Variants in SHPK observed in about 807,000 individuals in gnomAD.
SHPK encodes carbohydrate kinase-like protein.
In SHPK, 51 loss-of-function variants were observed where a neutral mutation model predicts 46.3. The ratio of observed to expected loss-of-function variants is 1.10; its 90% CI spans 0.88 to 1.39. The LOEUF (loss-of-function observed/expected upper bound fraction) is 1.39, where lower values mean the gene tolerates loss of function less well. Ranked by LOEUF, SHPK falls within the 40% of genes most tolerant of loss-of-function variation. The pLI, the probability that SHPK is intolerant of heterozygous loss-of-function variation, is 0.00. For missense variants in SHPK, 668 were observed against 641.3 expected, an observed-to-expected ratio of 1.04 and a Z score of -0.45; for synonymous variants, 290 against 273.9, an observed-to-expected ratio of 1.06 and a Z score of -0.58.
At chr17:3,634,365 T>C (rs1488453358) in intron 1 of SHPK, among the ~76,000 whole-genome samples, 4 of 149,400 alleles carry the variant, frequency 2.7e-5, no homozygotes, top group Non-Finnish European at 4.4e-5. Flanking sequence ...AGGTCAGGAG[T>C]TTGAGACCAG....
In SHPK at chr17:3,611,569, AAAACAAAC is replaced by A. The variant is rs201918253; in HGVS notation, c.1025-605_1025-598del. Among the ~76,000 whole-genome samples the A allele has an allele frequency of 8.5e-4, 130 of 152,162 alleles. 3 individuals carry two copies. The East Asian group carries it at 0.022, about 26-fold the overall frequency. ...GGGCAACAAGAGCAAGACTCCATCTAAAACAAACAAACAAACAAAACTATCATCATGGA... is the reference window on the plus strand; with the variant it reads ...GGGCAACAAGAGCAAGACTCCATCTAAAACAAACAAAACTATCATCATGGA... On this transcript the variant is annotated intron_variant, in intron 6 of 6. Transcript: ENST00000225519.
Position 3,624,134 on chromosome 17 carries a change from G to A in SHPK, c.408C>T (p.Phe136=). ...TWQDGRCSSE[F]LASLPQPKSH... ...ACTTCGGCTGGGGCAGAGAGGCCAG[G>A]AATTCGCTGCTACATCGGCCATCCT... Residue 136 remains phenylalanine (F), a synonymous_variant, in exon 3 of 7, where the codon TTC becomes TTT. Coordinates refer to ENST00000225519, the MANE Select transcript of SHPK (RefSeq NM_013276.4). 1 of 1,614,194 alleles carries A rather than the reference G, an allele frequency of 6.2e-7. No homozygotes were observed. The highest frequency in any genetic ancestry group is 8.5e-7 in the Non-Finnish European group (1 of 1,180,012).
chr17:3,615,381 A>G lies in SHPK; in HGVS notation c.980T>C (p.Leu327Pro), dbSNP rs754334515. The G allele has an allele frequency of 1.9e-6, 3 of 1,614,216 alleles. No homozygotes were observed. The highest frequency in any genetic ancestry group is 2.5e-6 in the Non-Finnish European group (3 of 1,180,036). ...AACCAGCATGTGGACGAACGTGGCC[A>G]GCACATTGCCCCCGTTGAGTGACGC... is the stretch of plus-strand genomic sequence containing the variant. ...VAASLNGGNV[L>P]ATFVHMLVQW... The change falls in exon 6 of 7, where the codon CTG becomes CCG. Residue 327 changes from leucine to proline, a missense_variant. Coordinates refer to ENST00000225519, the MANE Select transcript of SHPK (RefSeq NM_013276.4).
At position 3,615,447 on chromosome 17, in the gene SHPK, G is replaced by A; in HGVS notation, c.914C>T (p.Ala305Val). Residue 305 changes from alanine (A) to valine (V), a missense_variant, in exon 6 of 7, where the codon GCC becomes GTC. Ala to Val is a moderately conservative substitution (Grantham distance 64). Transcript: ENST00000225519. Reference sequence around the variant, plus strand: ...GGTCCTGTTGAAGTATGGGAAGTAGGCGACTGGGGCCGTAGGGTCTGGAGT... The same window carrying A: ...GGTCCTGTTGAAGTATGGGAAGTAGACGACTGGGGCCGTAGGGTCTGGAGT... ...AQTPDPTAPV[A>V]YFPYFNRTYL... 1 of 1,614,190 alleles carries A rather than the reference G, an allele frequency of 6.2e-7. No individual in the cohort carries two copies. The highest frequency in any genetic ancestry group is 8.5e-7 in the Non-Finnish European group (1 of 1,180,026).
At chr17:3,617,993 T>C (rs1314984354) in intron 5 of SHPK, among the ~76,000 whole-genome samples, 1 of 152,254 alleles carries the variant, frequency 6.6e-6, no homozygotes, top group Non-Finnish European at 1.5e-5. Flanking sequence ...AATTGTTTTG[T>C]CTTGCTTCTG....
chr17:3,621,093 G>T (rs1597571787), intron 5 of SHPK, 144 bp downstream of exon 5: 1 of 711,368 alleles, frequency 1.4e-6, no homozygotes. Flanking sequence ...AAGGACAAGG[G>T]TGCTTTTCAT....
At chr17:3,623,985 G>A (rs2075417916) in intron 3 of SHPK, 63 bp downstream of exon 3, 2 of 1,481,490 alleles carry the variant, frequency 1.3e-6, no homozygotes, top group Non-Finnish European at 1.8e-6. Context: ...TGCTGACGCA[G>A]CCCCGGCCTA....
At chr17:3,629,382 G>C (rs2037757081) in intron 2 of SHPK, among the ~76,000 whole-genome samples, 1 of 152,134 alleles carries the variant, frequency 6.6e-6, no homozygotes, top group African/African-American at 2.4e-5. Flanking sequence ...CCTCCGCACT[G>C]TGGCAGATCT....
chr17:3,631,512 C>CTTTTTTTTTTTTTTTTTTTTTTTT (rs371958939), intron 1 of SHPK, among the ~76,000 whole-genome samples: 1 of 53,052 alleles, frequency 1.9e-5, no homozygotes, highest in Non-Finnish European at 3.1e-5. Context: ...TAATTTAATG[C>CTTTTTTTTTTTTTTTTTTTTTTTT]TTTTTTTTTT....
At chr17:3,634,922 A>G (rs1446129195) in intron 1 of SHPK, among the ~76,000 whole-genome samples, 1 of 152,078 alleles carries the variant, frequency 6.6e-6, no homozygotes, top group Non-Finnish European at 1.5e-5. Flanking sequence ...CTGTAATCCT[A>G]GCACTTTGGG....
chr17:3,625,984 C>T (rs1008680412), intron 2 of SHPK, among the ~76,000 whole-genome samples: 9 of 152,094 alleles, frequency 5.9e-5, no homozygotes, highest in Admixed American at 6.6e-5. Flanking sequence ...ACCCAGTAGG[C>T]GGAGGTTGCA....
chr17:3,617,755 T>A (rs1184087850), intron 5 of SHPK, among the ~76,000 whole-genome samples: 1 of 151,982 alleles, frequency 6.6e-6, no homozygotes, highest in Non-Finnish European at 1.5e-5. Flanking sequence ...CTTTGTACCT[T>A]CCTCTCCCTA....
At chr17:3,622,653 TCAAAAAG>T in intron 4 of SHPK, 1 of 936,396 alleles carries the variant, frequency 1.1e-6, no homozygotes, top group Non-Finnish European at 1.3e-6. Context: ...AAATGATTGT[TCAAAAAG>T]AACTTAAAAG....
At chr17:3,626,155 T>A (rs1420546434) in intron 2 of SHPK, among the ~76,000 whole-genome samples, 1 of 152,236 alleles carries the variant, frequency 6.6e-6, no homozygotes, top group South Asian at 2.1e-4. Flanking sequence ...TTCTTTCATA[T>A]GGGATCTGAT....
intron 1 of SHPK, among the ~76,000 whole-genome samples, chr17:3,635,829 AG>A (rs1356485534): frequency 6.9e-5 from 10 of 144,596 alleles, no homozygotes; most frequent in African/African-American, 2.5e-4. Flanking sequence ...AGAGTCGGGG[AG>A]GGGGCGGGGG....
intron 2 of SHPK, among the ~76,000 whole-genome samples, chr17:3,629,315 T>C (rs563375039): frequency 6.6e-6 from 1 of 152,294 alleles, no homozygotes; most frequent in Admixed American, 6.5e-5. Flanking sequence ...GAAGTGCTCA[T>C]TGTGGTTTTA....
chr17:3,610,419 T>C lies in SHPK; in HGVS notation c.*141A>G, dbSNP rs1597564322. On this transcript the variant is annotated 3_prime_UTR_variant, in exon 7 of 7. Coordinates refer to ENST00000225519, the MANE Select transcript of SHPK (RefSeq NM_013276.4). Reference sequence around the variant, plus strand: ...TAGAGTATGTTCTGAAGGTAAGTTCTTGGCCGAGATGGGACCTCACAACAA... The same window carrying C: ...TAGAGTATGTTCTGAAGGTAAGTTCCTGGCCGAGATGGGACCTCACAACAA... 1.2e-6 allele frequency: 1 copy of C among 864,236 alleles called. No individual in the cohort carries two copies. The highest frequency in any genetic ancestry group is 2.5e-5 in the East Asian group (1 of 40,398). 53.5% of individuals were successfully genotyped at this position (864,236 alleles called of 1,614,324 possible).
intron 6 of SHPK, among the ~76,000 whole-genome samples, chr17:3,612,391 A>G (rs2075345284): frequency 6.7e-6 from 1 of 148,370 alleles, no homozygotes; most frequent in African/African-American, 2.5e-5. Context: ...GTGCCACTGC[A>G]CTCCAGTCTG....
intron 3 of SHPK, 108 bp downstream of exon 3, chr17:3,623,940 A>G (rs2075417594): frequency 1.8e-6 from 2 of 1,099,464 alleles, no homozygotes; most frequent in East Asian, 2.4e-5. Flanking sequence ...CTGCCAGGAC[A>G]CACTCACTGC....
Sources: allele counts gnomAD v4.1 joint callset (sites outside exome capture counted in the v4.1 genomes callset), GRCh38; gene constraint gnomAD v4.1.1; transcripts MANE v1.5; gene names NCBI Gene and HGNC (gene_info 2026-07-23, HGNC 2026-07-21).